The following MYO18B variants were observed in gnomAD, a reference collection of about 807,000 sequenced individuals.
MYO18B encodes the protein unconventional myosin-XVIIIb.
Under a neutral mutation model 273.0 loss-of-function variants are expected in MYO18B, and 204 were observed. That is an observed-to-expected ratio of 0.75 (90% CI 0.67 to 0.84). MYO18B has a LOEUF of 0.84. Ranked by LOEUF, MYO18B falls within the 40% of genes least tolerant of loss-of-function variation. MYO18B has a pLI of 0.00. For missense variants in MYO18B, 3,212 were observed against 3,287.6 expected (o/e 0.98, Z 0.56); for synonymous variants, 1,330 against 1,305.7 (o/e 1.02, Z -0.40).
intron 26 of MYO18B, among the ~76,000 whole-genome samples, 154 bp from the exon 27 acceptor site, chr22:25,891,150 T>C (rs2091651243): frequency 6.6e-6 from 1 of 152,124 alleles, no homozygotes; most frequent in African/African-American, 2.4e-5. Context: ...GTGAGAAATA[T>C]GCCGAAGGTG....
chr22:25,977,189 C>A (rs777234070), intron 39 of MYO18B, among the ~76,000 whole-genome samples: 1 of 152,108 alleles, frequency 6.6e-6, no homozygotes, highest in East Asian at 1.9e-4. Flanking sequence ...TGTTTCTCCC[C>A]GGCTATGCTT....
intron 35 of MYO18B, among the ~76,000 whole-genome samples, chr22:25,947,499 C>CACACACAG (rs2092726898): frequency 7.9e-6 from 1 of 126,480 alleles, no homozygotes; most frequent in Admixed American, 7.3e-5. Context: ...CACACACACA[C>CACACACAG]ACACACACAC....
rs118129398 is a variant in MYO18B at position 25,799,351 on chromosome 22, T to C, written c.2521+1254T>C. On this transcript the variant is annotated intron_variant, in intron 12 of 43. Coordinates refer to ENST00000335473, the MANE Select transcript of MYO18B (RefSeq NM_032608.7). ...GGCTTGGCATTCAAAGCTCCTCACCTCCTCACCTCAAAAGCTGCTCCCTTT... is the reference window on the plus strand; with the variant it reads ...GGCTTGGCATTCAAAGCTCCTCACCCCCTCACCTCAAAAGCTGCTCCCTTT... 1.8e-4 allele frequency among the ~76,000 whole-genome samples: 28 copies of C among 152,212 alleles called. No homozygotes were observed. In the East Asian group the frequency reaches 5.4e-3, roughly 29 times the overall value.
chr22:25,972,986 A>C (rs1365286835), intron 39 of MYO18B, among the ~76,000 whole-genome samples: 1 of 150,188 alleles, frequency 6.7e-6, no homozygotes, highest in Admixed American at 6.6e-5. Context: ...AAGAGATAGG[A>C]TCTCCTCCCA....
intron 40 of MYO18B, among the ~76,000 whole-genome samples, chr22:26,001,931 G>T (rs542778163): frequency 6.6e-6 from 1 of 152,326 alleles, no homozygotes; most frequent in South Asian, 2.1e-4. Context: ...CTGAGTGCTG[G>T]ATTCAAGTAA....
intron 21 of MYO18B, among the ~76,000 whole-genome samples, chr22:25,863,352 T>C (rs2090794958): frequency 6.6e-6 from 1 of 152,212 alleles, no homozygotes; most frequent in Non-Finnish European, 1.5e-5. Context: ...CTGTTTCCCC[T>C]CACCCTTAGT....
At chr22:25,813,825 C>T (rs772781132) in intron 12 of MYO18B, among the ~76,000 whole-genome samples, 1 of 152,162 alleles carries the variant, frequency 6.6e-6, no homozygotes, top group Non-Finnish European at 1.5e-5. Flanking sequence ...CCAGTACCCT[C>T]GAGGCCTGTC....
chr22:26,060,970 A>G, the MYO18B span, among the ~76,000 whole-genome samples: 1 of 151,460 alleles, frequency 6.6e-6, no homozygotes, highest in Admixed American at 6.6e-5. Context: ...GCACACATGA[A>G]CACACATATA....
rs375664446 is a variant in MYO18B, at chr22:25,838,730, G to A, written c.3208+3287G>A. On this transcript the variant is annotated intron_variant, in intron 17 of 43. Transcript: ENST00000335473. ...GGCTCTACCATCTAGGTTGGGGTTA[G>A]CATGCCCTATGGTATTCCCACAAGG... is the stretch of plus-strand genomic sequence containing the variant. Among the ~76,000 whole-genome samples the A allele has an allele frequency of 2.6e-5, 4 of 152,162 alleles. No homozygotes were observed. The East Asian group carries it at 7.7e-4, about 29-fold the overall frequency.
intron 25 of MYO18B, among the ~76,000 whole-genome samples, chr22:25,888,586 T>C (rs539950879): frequency 6.6e-6 from 1 of 152,284 alleles, no homozygotes; most frequent in East Asian, 1.9e-4. Flanking sequence ...TTAACAACCA[T>C]CTGAGGTCAT....
rs372175819 is a variant in MYO18B, at chr22:25,768,278, C to G, written c.362C>G (p.Thr121Arg). The change falls in exon 4 of 44, where the codon ACA becomes AGA. Residue 121 changes from threonine to arginine, a missense_variant. By Grantham distance (71) the Thr-to-Arg change is moderately conservative. Coordinates refer to ENST00000335473, the MANE Select transcript of MYO18B (RefSeq NM_032608.7). The part of the protein sequence containing the change: ...GSRSPDPEQM[T>R]SINGEKAQEL... ...CGCAGCCCCGACCCTGAGCAGATGA[C>G]AAGCATCAATGGTGAGAAGGCCCAG... is the stretch of plus-strand genomic sequence containing the variant. 133 of 1,613,934 alleles carry G rather than the reference C, an allele frequency of 8.2e-5. No individual in the cohort carries two copies. In the African/African-American group the frequency reaches 1.5e-3, roughly 18 times the overall value.
intron 9 of MYO18B, among the ~76,000 whole-genome samples, chr22:25,781,268 G>A (rs763485255): frequency 1.6e-4 from 24 of 152,104 alleles, no homozygotes; most frequent in African/African-American, 3.6e-4. Context: ...AAGTTCTGAC[G>A]TGGAGGTTGC....
At chr22:25,993,725 T>A (rs5761344) in intron 40 of MYO18B, among the ~76,000 whole-genome samples, 96,689 of 152,026 alleles carry the variant, frequency 0.64, 33,069 homozygotes, top group African/African-American at 0.88. Flanking sequence ...CCTTTGGGAC[T>A]TGTGGGTGCG....
At chr22:25,826,568 C>T (rs2089500428) in intron 14 of MYO18B, 69 bp downstream of exon 14, 2 of 1,411,510 alleles carry the variant, frequency 1.4e-6, no homozygotes, top group Non-Finnish European at 2.0e-6. Flanking sequence ...ACATACCGGG[C>T]AGTTGAACAA....
chr22:25,856,784 T>C (rs1305561895), intron 21 of MYO18B, among the ~76,000 whole-genome samples: 1 of 152,128 alleles, frequency 6.6e-6, no homozygotes, highest in East Asian at 1.9e-4. Context: ...AGAAGCAAAT[T>C]CTGGGTTCTT....
chr22:25,802,979 T>TTC (rs2088287774), intron 12 of MYO18B, among the ~76,000 whole-genome samples: 1 of 149,938 alleles, frequency 6.7e-6, no homozygotes, highest in Non-Finnish European at 1.5e-5. Context: ...TTTTTTTTTT[T>TTC]GAGACAGAGT....
chr22:26,023,773 G>A (rs530961351), intron 42 of MYO18B, among the ~76,000 whole-genome samples: 1 of 152,284 alleles, frequency 6.6e-6, no homozygotes, highest in South Asian at 2.1e-4. Context: ...TCAGTTCTGC[G>A]GCAGCCCACT....
chr22:25,987,471 A>T (rs1211458633), intron 39 of MYO18B, among the ~76,000 whole-genome samples: 1 of 152,168 alleles, frequency 6.6e-6, no homozygotes, highest in Non-Finnish European at 1.5e-5. Context: ...TACACGATAT[A>T]TATATCCTCC....
chr22:25,762,524 G>A (rs547149113), intron 2 of MYO18B, among the ~76,000 whole-genome samples: 1 of 152,388 alleles, frequency 6.6e-6, no homozygotes, highest in South Asian at 2.1e-4. Context: ...CCAACAGCGG[G>A]GTCTCAGCTG....
Sources: gnomAD v4.1 joint callset for allele counts (sites outside exome capture counted in the v4.1 genomes callset) on GRCh38, gnomAD v4.1.1 for gene constraint, MANE v1.5 for transcripts, NCBI Gene and HGNC (gene_info 2026-07-23, HGNC 2026-07-21) for gene names.